The following ARHGEF4 variants were observed in gnomAD, a reference collection of about 807,000 sequenced individuals.
ARHGEF4 encodes APC-stimulated guanine nucleotide exchange factor 1.
Under a neutral mutation model 162.0 loss-of-function variants are expected in ARHGEF4, and 119 were observed. That is an observed-to-expected ratio of 0.73 (90% CI 0.63 to 0.86). ARHGEF4 has a LOEUF of 0.86. Ranked by LOEUF, ARHGEF4 falls within the 40% of genes least tolerant of loss-of-function variation. The pLI, the probability that ARHGEF4 is intolerant of heterozygous loss-of-function variation, is 0.00. For missense variants in ARHGEF4, 2,488 were observed against 2,456.0 expected (o/e 1.01, Z -0.28); for synonymous variants, 1,014 against 979.9 (o/e 1.03, Z -0.65).
At chr2:130,991,552 C>G (rs929749866) in intron 4 of ARHGEF4, among the ~76,000 whole-genome samples, 4 of 152,232 alleles carry the variant, frequency 2.6e-5, no homozygotes, top group South Asian at 2.1e-4. Flanking sequence ...GCCGGCCGGC[C>G]CTGCCGGCCC....
chr2:131,013,034 T>G (rs1475076760), intron 4 of ARHGEF4, among the ~76,000 whole-genome samples: 1 of 152,176 alleles, frequency 6.6e-6, no homozygotes, highest in African/African-American at 2.4e-5. Flanking sequence ...CCCTAATCAC[T>G]GTGAAAAGAT....
intron 4 of ARHGEF4, among the ~76,000 whole-genome samples, chr2:130,971,442 G>A (rs945557016): frequency 3.0e-4 from 46 of 152,074 alleles, no homozygotes; most frequent in Non-Finnish European, 1.9e-4. Flanking sequence ...GGCAGATCAC[G>A]AGGTCAGGAG....
intron 1 of ARHGEF4, among the ~76,000 whole-genome samples, chr2:130,885,673 G>A (rs1000694171): frequency 6.1e-5 from 9 of 146,834 alleles, no homozygotes; most frequent in Non-Finnish European, 1.2e-4. Context: ...GGGTTCAAGC[G>A]ATTCTCCTGC....
chr2:130,900,173 T>TA (rs55721870), intron 1 of ARHGEF4, among the ~76,000 whole-genome samples: 2 of 152,006 alleles, frequency 1.3e-5, no homozygotes, highest in South Asian at 2.1e-4. Flanking sequence ...TCATGGACAT[T>TA]AAAAAAAATG....
Position 130,916,421 on chromosome 2 carries a change from C to T in ARHGEF4, c.2475C>T (p.Gly825=). ...CGACCACCGAGGGTCGCCGCTGGGG[C>T]TCTTCAGGCCCCGAGGGGCTCCCCA... ...PAPTTEGRRW[G]SSGPEGLPRE... Residue 825 remains glycine (G), a synonymous_variant, in exon 2 of 14, where the codon GGC becomes GGT. Transcript: ENST00000409359. 5 of 1,534,066 alleles carry T rather than the reference C, an allele frequency of 3.3e-6. No individual in the cohort carries two copies. Among genetic ancestry groups the T allele is most frequent in the Non-Finnish European group, 4.4e-6 (5 of 1,143,146 alleles).
intron 4 of ARHGEF4, among the ~76,000 whole-genome samples, chr2:130,974,468 CAG>C (rs1020663753): frequency 1.3e-5 from 2 of 151,734 alleles, no homozygotes; most frequent in Non-Finnish European, 2.9e-5. Flanking sequence ...TTTTTTGAGA[CAG>C]TGTCTGGCTC....
chr2:131,024,163 T>C (rs554807187), intron 4 of ARHGEF4, among the ~76,000 whole-genome samples: 1 of 152,352 alleles, frequency 6.6e-6, no homozygotes, highest in Admixed American at 6.5e-5. Context: ...AGCTAGACCA[T>C]TGACGGAAAC....
Position 130,988,887 on chromosome 2 carries a change from TATATATATATATATAGAGAGAGAG to T in ARHGEF4, c.3986-39056_3986-39033del, listed in dbSNP as rs1225495062. Among the ~76,000 whole-genome samples, 9 of 113,090 alleles carry T rather than the reference TATATATATATATATAGAGAGAGAG, an allele frequency of 8.0e-5. No homozygotes were observed. The South Asian group carries it at 1.0e-3, about 13-fold the overall frequency. 74.2% of individuals were successfully genotyped at this position (113,090 alleles called of 152,430 possible). A position where few individuals can be genotyped will look rare whatever the true frequency, so the allele number is the denominator to read the frequency against. On this transcript the variant is annotated intron_variant, in intron 4 of 13. Coordinates refer to ENST00000409359, the MANE Select transcript of ARHGEF4 (RefSeq NM_001367493.1). ...GTGTGTGTGTGTATATATATATATA[TATATATATATATATAGAGAGAGAG>T]AGAGAGAGAGAGAGAGAGAGAGAGA...
intron 3 of ARHGEF4, among the ~76,000 whole-genome samples, chr2:130,934,520 C>A (rs761870009): frequency 1.3e-5 from 2 of 151,930 alleles, no homozygotes; most frequent in African/African-American, 4.8e-5. Flanking sequence ...TTGTCATAGA[C>A]CTGTTAAGAG....
chr2:130,921,736 G>A (rs1386502677), intron 2 of ARHGEF4, among the ~76,000 whole-genome samples: 4 of 152,122 alleles, frequency 2.6e-5, no homozygotes, highest in African/African-American at 7.2e-5. Flanking sequence ...CTGTCACCCA[G>A]GCTGGAGTGC....
rs1253496713 is a variant in ARHGEF4 at position 130,946,496 on chromosome 2, C to G, written c.3859-13C>G. ...TTCTTCATTTGCCCTCTGTCTCTTT[C>G]CTCCTCTTCCAGTGCTGGAGAAAGA... On this transcript the variant is annotated splice_polypyrimidine_tract_variant and intron_variant, in intron 3 of 13. Transcript: ENST00000409359. The G allele has an allele frequency of 1.9e-6, 3 of 1,602,406 alleles. No individual in the cohort carries two copies. The highest frequency in any genetic ancestry group is 2.6e-6 in the Non-Finnish European group (3 of 1,173,426).
In ARHGEF4 at chr2:130,946,653, C is replaced by T. The variant is rs568239858; in HGVS notation, c.3985+18C>T. ...AGGCACTGGTGAGTTACGCGCCTCTCTCTTTTGCTATGTACTCTGGATCCT... is the reference window on the plus strand; with the variant it reads ...AGGCACTGGTGAGTTACGCGCCTCTTTCTTTTGCTATGTACTCTGGATCCT... On this transcript the variant is annotated intron_variant, in intron 4 of 13. Coordinates refer to ENST00000409359, the MANE Select transcript of ARHGEF4 (RefSeq NM_001367493.1). 1 of 1,613,516 alleles carries T rather than the reference C, an allele frequency of 6.2e-7. No individual in the cohort carries two copies. The highest frequency in any genetic ancestry group is 1.3e-5 in the African/African-American group (1 of 75,034).
At chr2:130,923,773 C>G (rs1323103467) in intron 2 of ARHGEF4, among the ~76,000 whole-genome samples, 1 of 152,158 alleles carries the variant, frequency 6.6e-6, no homozygotes, top group Non-Finnish European at 1.5e-5. Flanking sequence ...AGCCATAGAG[C>G]CCTGGAAGGT....
At chr2:130,936,393 T>A (rs1682946931) in intron 3 of ARHGEF4, among the ~76,000 whole-genome samples, 1 of 152,222 alleles carries the variant, frequency 6.6e-6, no homozygotes, top group African/African-American at 2.4e-5. Flanking sequence ...ACTGACTTTT[T>A]AATCAATCTA....
intron 1 of ARHGEF4, among the ~76,000 whole-genome samples, chr2:130,899,339 C>A (rs1358923390): frequency 6.6e-6 from 1 of 152,160 alleles, no homozygotes; most frequent in Admixed American, 6.5e-5. Context: ...CAATTATAAC[C>A]CAGCCTAATG....
intron 5 of ARHGEF4, chr2:131,035,329 G>A: frequency 1.7e-6 from 2 of 1,161,278 alleles, no homozygotes; most frequent in Non-Finnish European, 1.1e-6. Context: ...GTTGCCACCC[G>A]CGGCCTCCGC....
intron 1 of ARHGEF4, among the ~76,000 whole-genome samples, chr2:130,899,589 G>A (rs767430091): frequency 2.0e-5 from 3 of 152,226 alleles, no homozygotes; most frequent in Non-Finnish European, 2.9e-5. Context: ...GAAGGCAGAC[G>A]GGAGAGCCGC....
chr2:130,981,067 A>C (rs1185510177), intron 4 of ARHGEF4, among the ~76,000 whole-genome samples: 1 of 152,184 alleles, frequency 6.6e-6, no homozygotes, highest in Non-Finnish European at 1.5e-5. Context: ...TTCAGAACTT[A>C]AGTCTTTTAT....
At chr2:130,930,911 C>T (rs558713227) in intron 2 of ARHGEF4, 41 bp from the exon 3 acceptor site, 85 of 1,560,500 alleles carry the variant, frequency 5.4e-5, no homozygotes, top group Non-Finnish European at 7.2e-5. Context: ...TTGATATGTC[C>T]TTTGACCTCT....
Sources: allele counts gnomAD v4.1 joint callset (sites outside exome capture counted in the v4.1 genomes callset), GRCh38; gene constraint gnomAD v4.1.1; transcripts MANE v1.5; gene names NCBI Gene and HGNC (gene_info 2026-07-23, HGNC 2026-07-21).